The following ZBTB40 variants were observed in gnomAD, a reference collection of about 807,000 sequenced individuals.
The protein encoded by ZBTB40 is zinc finger and BTB domain-containing protein 40.
In ZBTB40, 60 loss-of-function variants were observed where a neutral mutation model predicts 117.5. The observed-to-expected ratio is 0.51, with a 90% CI of 0.41 to 0.63. ZBTB40 has a LOEUF of 0.63. ZBTB40 is among the 30% of genes least tolerant of loss of function. The pLI is 0.00. For synonymous variants in ZBTB40, 525 were observed against 577.1 expected (o/e 0.91, Z 1.29); for missense variants, 1,287 against 1,498.5 (o/e 0.86, Z 2.33).
intron 1 of ZBTB40, among the ~76,000 whole-genome samples, chr1:22,472,373 C>T (rs990049983): frequency 6.6e-6 from 1 of 151,792 alleles, no homozygotes; most frequent in African/African-American, 2.4e-5. Context: ...CTTGTAGAGA[C>T]GGGGGTCTTG....
intron 1 of ZBTB40, among the ~76,000 whole-genome samples, chr1:22,472,704 A>G (rs939232086): frequency 2.0e-5 from 3 of 152,194 alleles, no homozygotes; most frequent in Admixed American, 2.0e-4. Flanking sequence ...CACTGTGTTC[A>G]GTTCAGCATA....
chr1:22,506,935 A>G (rs1039866574), intron 6 of ZBTB40, among the ~76,000 whole-genome samples: 18 of 152,168 alleles, frequency 1.2e-4, no homozygotes, highest in African/African-American at 4.3e-4. Context: ...TAATATTGAG[A>G]TACTTTCATA....
chr1:22,495,322 T>C (rs1638743586), intron 3 of ZBTB40, among the ~76,000 whole-genome samples: 1 of 152,180 alleles, frequency 6.6e-6, no homozygotes, highest in Admixed American at 6.5e-5. Context: ...GAGAAATCTC[T>C]TGGGTGCTGG....
At chr1:22,512,310 G>A (rs1639262180) in intron 11 of ZBTB40, among the ~76,000 whole-genome samples, 176 bp downstream of exon 11, 1 of 152,144 alleles carries the variant, frequency 6.6e-6, no homozygotes, top group Non-Finnish European at 1.5e-5. Context: ...ATCAGCCCCC[G>A]AGCTTTGATT....
Position 22,529,654 on chromosome 1 carries a change from G to A in ZBTB40, c.*3258G>A, listed in dbSNP as rs1639777705. ...TATTTTATGGGTAAAGAGACATGAA[G>A]AGACAGCCTCTCTCTTCTGTCTCAG... On this transcript the variant is annotated 3_prime_UTR_variant, in exon 18 of 18. Transcript: ENST00000375647. 6.6e-6 allele frequency: 1 copy of A among 152,286 alleles called. No individual in the cohort carries two copies. The highest frequency in any genetic ancestry group is 6.5e-5 in the Admixed American group (1 of 15,282). The allele number at this position is 152,286 out of a possible 1,614,324, so 9.4% of individuals were successfully genotyped here.
chr1:22,500,613 G>C (rs780553158), intron 3 of ZBTB40, among the ~76,000 whole-genome samples: 2 of 152,250 alleles, frequency 1.3e-5, no homozygotes, highest in African/African-American at 4.8e-5. Flanking sequence ...GAAATCGGAA[G>C]AGAATTGTGA....
At chr1:22,438,111 C>G (rs1557471721) in intron 1 of ZBTB40, among the ~76,000 whole-genome samples, 1 of 152,070 alleles carries the variant, frequency 6.6e-6, no homozygotes. Context: ...GCCTGGGCAA[C>G]AAGAGTGAAA....
At chr1:22,511,465 A>G in intron 10 of ZBTB40, 118 bp downstream of exon 10, 2 of 1,425,018 alleles carry the variant, frequency 1.4e-6, no homozygotes, top group South Asian at 1.3e-5. Flanking sequence ...TATTCATTTT[A>G]TATGCTCTGA....
At position 22,491,444 on chromosome 1, in the gene ZBTB40, G is replaced by A; in HGVS notation, c.742G>A (p.Glu248Lys). The A allele has an allele frequency of 3.1e-6, 5 of 1,613,972 alleles. No individual in the cohort carries two copies. Among genetic ancestry groups the A allele is most frequent in the Non-Finnish European group, 4.2e-6 (5 of 1,179,918 alleles). The change falls in exon 3 of 18, where the codon GAA becomes AAA. Residue 248 changes from glutamate (E) to lysine (K), a missense_variant. Physicochemically the swap from Glu to Lys is moderately conservative, Grantham distance 56. This residue lies in a region of ZBTB40 where 870 missense variants were observed against 934.4 expected (regional missense o/e 0.93). Transcript: ENST00000375647. ...CCAGCTGAATTTTCTTCTAGAAAATGAAGGTGTCTTCTCAGATGCACTCAT... is the reference window on the plus strand; with the variant it reads ...CCAGCTGAATTTTCTTCTAGAAAATAAAGGTGTCTTCTCAGATGCACTCAT... ...HYQLNFLLEN[E>K]GVFSDALMVT...
chr1:22,495,953 CAA>C (rs552724863), intron 3 of ZBTB40, among the ~76,000 whole-genome samples: 1 of 152,138 alleles, frequency 6.6e-6, no homozygotes, highest in Non-Finnish European at 1.5e-5. Flanking sequence ...TAAAAACAAA[CAA>C]ATAAAGGCAA....
chr1:22,473,300 C>A (rs560932848), intron 1 of ZBTB40, among the ~76,000 whole-genome samples: 1 of 152,082 alleles, frequency 6.6e-6, no homozygotes, highest in Admixed American at 6.5e-5. Context: ...AGAAACTGTT[C>A]TAGTGGATAA....
At chr1:22,488,536 C>T (rs147145111) in intron 1 of ZBTB40, among the ~76,000 whole-genome samples, 12 of 152,132 alleles carry the variant, frequency 7.9e-5, no homozygotes, top group South Asian at 4.2e-4. Context: ...AGTCAGAGAA[C>T]GCAGAGCATG....
At position 22,527,868 on chromosome 1, in the gene ZBTB40, G is replaced by A. The variant is rs1476062194; in HGVS notation, c.*1472G>A. The stretch of plus-strand genomic sequence containing the variant: ...GCACGCCCACTGACTGGCATCTGCC[G>A]GCTTTGTGCAGGCAGCCCCGACGGT... On this transcript the variant is annotated 3_prime_UTR_variant, in exon 18 of 18. Coordinates refer to ENST00000375647, the MANE Select transcript of ZBTB40 (RefSeq NM_014870.4). 2.0e-5 allele frequency: 3 copies of A among 152,484 alleles called. No individual in the cohort carries two copies. Among genetic ancestry groups the A allele is most frequent in the Admixed American group, 1.3e-4 (2 of 15,290 alleles). 9.4% of individuals were successfully genotyped at this position (152,484 alleles called of 1,614,324 possible).
chr1:22,454,260 A>G (rs952448949), intron 1 of ZBTB40, among the ~76,000 whole-genome samples: 2 of 152,174 alleles, frequency 1.3e-5, no homozygotes, highest in African/African-American at 4.8e-5. Flanking sequence ...GCCTCGAACA[A>G]ATATTTTAGT....
At chr1:22,472,466 G>A (rs542226108) in intron 1 of ZBTB40, among the ~76,000 whole-genome samples, 39 of 152,284 alleles carry the variant, frequency 2.6e-4, no homozygotes, top group East Asian at 1.4e-3. Flanking sequence ...GATTACAGGC[G>A]TGAGCCACTC....
intron 3 of ZBTB40, among the ~76,000 whole-genome samples, chr1:22,498,881 T>TA (rs1001385738): frequency 6.6e-6 from 1 of 150,784 alleles, no homozygotes; most frequent in African/African-American, 2.4e-5. Flanking sequence ...AAAGGGAAAA[T>TA]AAAAAGGAAG....
At chr1:22,507,150 G>A (rs370020040) in intron 6 of ZBTB40, among the ~76,000 whole-genome samples, 10 of 152,140 alleles carry the variant, frequency 6.6e-5, no homozygotes, top group African/African-American at 1.7e-4. Flanking sequence ...ACCTGGGGCC[G>A]CACCCTCACT....
chr1:22,436,009 C>T (rs542258782), intron 1 of ZBTB40, among the ~76,000 whole-genome samples: 9 of 151,184 alleles, frequency 6.0e-5, no homozygotes, highest in South Asian at 2.1e-4. Flanking sequence ...ACAACACCAA[C>T]TGTTGATGAG....
At chr1:22,489,296 G>C (rs1638558147) in intron 1 of ZBTB40, among the ~76,000 whole-genome samples, 1 of 152,172 alleles carries the variant, frequency 6.6e-6, no homozygotes. Context: ...AGCTTTAAAG[G>C]CTGCGCTGAT....
Sources: gnomAD v4.1 joint callset for allele counts (sites outside exome capture counted in the v4.1 genomes callset) on GRCh38, gnomAD v4.1.1 for gene constraint, gnomAD v4.1.1 regional missense constraint, MANE v1.5 for transcripts, NCBI Gene and HGNC (gene_info 2026-07-23, HGNC 2026-07-21) for gene names.